Variants in PPA2 observed in about 807,000 individuals in gnomAD.
The protein encoded by PPA2 is inorganic pyrophosphatase 2, mitochondrial.
Under a neutral mutation model 49.5 loss-of-function variants are expected in PPA2, and 48 were observed. The ratio of observed to expected loss-of-function variants is 0.97; its 90% CI spans 0.77 to 1.23. PPA2 has a LOEUF of 1.23. Ranked by LOEUF, PPA2 falls within the 50% of genes most tolerant of loss-of-function variation. The probability of loss-of-function intolerance (pLI) is 0.00; values close to 1 mark genes in which losing one functional copy is unlikely to be tolerated. For synonymous variants in PPA2, 131 were observed against 139.9 expected, an observed-to-expected ratio of 0.94 and a Z score of 0.45; for missense variants, 429 against 410.1, an observed-to-expected ratio of 1.05 and a Z score of -0.40.
At chr4:105,401,151 GCATA>G (rs1734348159) in intron 7 of PPA2, among the ~76,000 whole-genome samples, 2 of 152,020 alleles carry the variant, frequency 1.3e-5, no homozygotes, top group African/African-American at 2.4e-5. Context: ...TTTATGAAAA[GCATA>G]CATAGATATA....
At chr4:105,424,937 T>C (rs1387069062) in intron 6 of PPA2, among the ~76,000 whole-genome samples, 1 of 152,204 alleles carries the variant, frequency 6.6e-6, no homozygotes, top group Non-Finnish European at 1.5e-5. Flanking sequence ...GCCAGAGACC[T>C]ATAAAATGAG....
At chr4:105,410,629 G>A (rs887039194) in intron 7 of PPA2, among the ~76,000 whole-genome samples, 1 of 152,152 alleles carries the variant, frequency 6.6e-6, no homozygotes, top group Admixed American at 6.5e-5. Flanking sequence ...CACCAAGGTT[G>A]AAATGAAGGA....
chr4:105,404,726 G>A (rs1353403638), intron 7 of PPA2, among the ~76,000 whole-genome samples: 1 of 152,114 alleles, frequency 6.6e-6, no homozygotes, highest in African/African-American at 2.4e-5. Context: ...CTTTGTCCAT[G>A]AACACAGCCA....
chr4:105,471,876 T>C (rs1424977672), intron 1 of PPA2, among the ~76,000 whole-genome samples: 1 of 152,184 alleles, frequency 6.6e-6, no homozygotes, highest in Non-Finnish European at 1.5e-5. Flanking sequence ...TTTTGCCCAT[T>C]TACCTTAGTA....
At position 105,440,072 on chromosome 4, in the gene PPA2, T is replaced by C. The variant is rs556134106; in HGVS notation, c.442-2036A>G. 2.6e-4 allele frequency among the ~76,000 whole-genome samples: 40 copies of C among 152,096 alleles called. No individual in the cohort carries two copies. The South Asian group carries it at 4.8e-3, about 18-fold the overall frequency. The stretch of plus-strand genomic sequence containing the variant: ...AGAAAATATCTGAGAGGTTCCTCCT[T>C]GCTAATGCAGAAATCCCATCTCATA... On this transcript the variant is annotated intron_variant, in intron 5 of 11. Transcript: ENST00000341695.
intron 10 of PPA2, among the ~76,000 whole-genome samples, chr4:105,372,738 G>A (rs1165740288): frequency 6.6e-6 from 1 of 152,118 alleles, no homozygotes; most frequent in African/African-American, 2.4e-5. Context: ...CAGCCCACCA[G>A]CCCAACTGCA....
chr4:105,414,442 C>A (rs926950164), intron 7 of PPA2, among the ~76,000 whole-genome samples: 2 of 152,198 alleles, frequency 1.3e-5, no homozygotes, highest in African/African-American at 4.8e-5. Context: ...AAGCCTGGAT[C>A]CCACGCATGC....
At chr4:105,409,757 G>A (rs181363385) in intron 7 of PPA2, among the ~76,000 whole-genome samples, 1 of 152,360 alleles carries the variant, frequency 6.6e-6, no homozygotes, top group Non-Finnish European at 1.5e-5. Flanking sequence ...CTCTGCTGGT[G>A]ATACCCAGGC....
intron 7 of PPA2, among the ~76,000 whole-genome samples, chr4:105,410,730 A>G (rs1722713324): frequency 6.6e-6 from 1 of 152,342 alleles, no homozygotes; most frequent in Non-Finnish European, 1.5e-5. Flanking sequence ...CAGAAACACT[A>G]CAAGCCAGAA....
At chr4:105,470,976 A>G (rs1418499560) in intron 1 of PPA2, among the ~76,000 whole-genome samples, 1 of 152,244 alleles carries the variant, frequency 6.6e-6, no homozygotes, top group Non-Finnish European at 1.5e-5. Context: ...TAAGATGTTA[A>G]CAAATGTTCT....
chr4:105,400,558 A>G (rs903339793), intron 7 of PPA2, among the ~76,000 whole-genome samples: 3 of 152,192 alleles, frequency 2.0e-5, no homozygotes, highest in Non-Finnish European at 4.4e-5. Context: ...GCATTAGTCC[A>G]GGAGGTGGAG....
At chr4:105,386,671 G>T in intron 9 of PPA2, 35 bp from the exon 10 acceptor site, 1 of 1,577,960 alleles carries the variant, frequency 6.3e-7, no homozygotes, top group South Asian at 1.1e-5. Flanking sequence ...TATTAAACAG[G>T]ATAAAAAGAA....
At chr4:105,439,105 C>T (rs531052884) in intron 5 of PPA2, among the ~76,000 whole-genome samples, 58 of 152,184 alleles carry the variant, frequency 3.8e-4, no homozygotes, top group Admixed American at 2.2e-3. Flanking sequence ...AATTGTTAAT[C>T]TTACATACTG....
At chr4:105,400,314 G>A (rs1172016939) in intron 7 of PPA2, among the ~76,000 whole-genome samples, 2 of 152,072 alleles carry the variant, frequency 1.3e-5, no homozygotes, top group East Asian at 1.9e-4. Flanking sequence ...TACTGACGGC[G>A]AGTGTCTAGA....
At chr4:105,459,248 C>G (rs759884030) in intron 1 of PPA2, among the ~76,000 whole-genome samples, 1 of 152,004 alleles carries the variant, frequency 6.6e-6, no homozygotes, top group East Asian at 1.9e-4. Flanking sequence ...CTATAAAGCT[C>G]TTTTCATCAG....
At chr4:105,388,278 A>G (rs934680325) in intron 9 of PPA2, among the ~76,000 whole-genome samples, 2 of 152,234 alleles carry the variant, frequency 1.3e-5, no homozygotes, top group South Asian at 4.1e-4. Flanking sequence ...TGTATTTTTC[A>G]TCTGTTAAAT....
intron 4 of PPA2, among the ~76,000 whole-genome samples, chr4:105,447,531 C>T (rs894061806): frequency 6.6e-6 from 1 of 151,988 alleles, no homozygotes; most frequent in Non-Finnish European, 1.5e-5. Flanking sequence ...TTCAAATGTT[C>T]TCACCACAAA....
intron 6 of PPA2, among the ~76,000 whole-genome samples, chr4:105,437,645 T>A (rs1234610046): frequency 6.6e-6 from 1 of 152,184 alleles, no homozygotes; most frequent in Non-Finnish European, 1.5e-5. Context: ...GACTATACAA[T>A]CTCTGCTACA....
chr4:105,455,132 C>T (rs920869187), intron 2 of PPA2, among the ~76,000 whole-genome samples: 2 of 152,190 alleles, frequency 1.3e-5, no homozygotes, highest in African/African-American at 4.8e-5. Flanking sequence ...ACTACACCCA[C>T]AGTGCCTAGA....
Sources: gnomAD v4.1 joint callset for allele counts (sites outside exome capture counted in the v4.1 genomes callset) on GRCh38, gnomAD v4.1.1 for gene constraint, MANE v1.5 for transcripts, NCBI Gene and HGNC (gene_info 2026-07-23, HGNC 2026-07-21) for gene names.